Variants in DMD observed in about 807,000 individuals in gnomAD.
The protein encoded by DMD is mutant dystrophin.
DMD carries 63 observed loss-of-function variants against 330.1 expected under a neutral mutation model. That is an observed-to-expected ratio of 0.19 (90% CI 0.16 to 0.24). The LOEUF is 0.24. DMD is among the 10% of genes least tolerant of loss of function. The probability of loss-of-function intolerance (pLI) is 1.00; values close to 1 mark genes in which losing one functional copy is unlikely to be tolerated. For missense variants in DMD, 3,344 were observed against 2,684.1 expected (o/e 1.25, Z -5.43); for synonymous variants, 1,223 against 959.8 (o/e 1.27, Z -5.07).
chrX:32,355,654 T>C (rs1291883746), intron 37 of DMD, among the ~76,000 whole-genome samples: 1 of 111,370 alleles, frequency 9.0e-6, no homozygotes, highest in Non-Finnish European at 1.9e-5. Flanking sequence ...CAATTACACA[T>C]GTGGAAAAAA....
At chrX:33,315,088 G>A (rs1393650261) in intron 1 of DMD, among the ~76,000 whole-genome samples, 2 of 111,822 alleles carry the variant, frequency 1.8e-5, no homozygotes, top group African/African-American at 6.5e-5. Flanking sequence ...CAAAGTGCTG[G>A]GATTACAGGC....
intron 44 of DMD, among the ~76,000 whole-genome samples, chrX:32,199,780 TTGTGTGTGTGTG>T (rs35897988): frequency 9.2e-4 from 77 of 84,137 alleles, no homozygotes; most frequent in African/African-American, 1.1e-3. Context: ...CGCAAGGCTT[TTGTGTGTGTGTG>T]TGTGTGTGTG....
intron 67 of DMD, among the ~76,000 whole-genome samples, chrX:31,184,961 T>A (rs2041604712): frequency 1.7e-5 from 1 of 57,865 alleles, no homozygotes; most frequent in African/African-American, 7.5e-5. Flanking sequence ...CTGGGGACTG[T>A]TGTGGGGTGG....
chrX:33,066,058 T>TAA (rs5902050), intron 1 of DMD, among the ~76,000 whole-genome samples: 1 of 98,388 alleles, frequency 1.0e-5, no homozygotes, highest in Non-Finnish European at 2.0e-5. Context: ...CCAAAGGATT[T>TAA]AAAAAAAAAA....
intron 60 of DMD, among the ~76,000 whole-genome samples, chrX:31,380,933 G>T (rs956283308): frequency 9.1e-6 from 1 of 110,251 alleles, no homozygotes; most frequent in Non-Finnish European, 1.9e-5. Context: ...TACCTATCTC[G>T]GCATAATTCT....
intron 1 of DMD, among the ~76,000 whole-genome samples, chrX:33,192,073 G>A (rs2050680320): frequency 8.9e-6 from 1 of 111,925 alleles, no homozygotes; most frequent in African/African-American, 3.2e-5. Context: ...GGAATTCAGA[G>A]GAAGGAATGC....
At chrX:31,610,185 T>C (rs948917054) in intron 55 of DMD, among the ~76,000 whole-genome samples, 1 of 111,060 alleles carries the variant, frequency 9.0e-6, no homozygotes, top group Non-Finnish European at 1.9e-5. Context: ...TTTAATCACA[T>C]TCATAAGTCA....
In DMD at chrX:33,093,713, C is replaced by T. The variant is rs149325727; in HGVS notation, c.32-73513G>A. 5.0e-3 allele frequency among the ~76,000 whole-genome samples: 552 copies of T among 111,150 alleles called. 4 individuals are homozygous for T. The highest frequency in any genetic ancestry group is 0.017 in the African/African-American group (526 of 30,681). The stretch of plus-strand genomic sequence containing the variant: ...CAATTGTAACATGTTTTGATTGAAA[C>T]GGTGTAAAACAGGAAAAAATTATCT... On this transcript the variant is annotated intron_variant, in intron 1 of 78. Transcript: ENST00000357033.
intron 7 of DMD, among the ~76,000 whole-genome samples, chrX:32,729,354 C>A (rs2067257235): frequency 8.9e-6 from 1 of 112,088 alleles, no homozygotes; most frequent in African/African-American, 3.2e-5. Context: ...GGAAAGCTAA[C>A]ATTGCCCAAT....
intron 57 of DMD, among the ~76,000 whole-genome samples, chrX:31,492,923 T>C (rs2069448918): frequency 9.0e-6 from 1 of 110,755 alleles, no homozygotes; most frequent in Non-Finnish European, 1.9e-5. Context: ...ATACCTAATG[T>C]AGATGACGGG....
chrX:32,970,298 A>T (rs1338030096), intron 2 of DMD, among the ~76,000 whole-genome samples: 2 of 94,661 alleles, frequency 2.1e-5, no homozygotes, highest in South Asian at 1.0e-3. Flanking sequence ...TTGTAAATTT[A>T]AAAATAACTA....
chrX:33,335,435 T>C (rs939513555), intron 1 of DMD, among the ~76,000 whole-genome samples: 4 of 110,736 alleles, frequency 3.6e-5, no homozygotes, highest in African/African-American at 1.3e-4. Flanking sequence ...ACAAAATCAG[T>C]AAGATTTATT....
In DMD at chrX:31,125,321, C is replaced by CA. The variant is rs755554320; in HGVS notation, c.11046+1320dup. Among the ~76,000 whole-genome samples the CA allele has an allele frequency of 5.0e-4, 56 of 112,140 alleles. No individual in the cohort carries two copies. In the Middle Eastern group the frequency reaches 0.014, roughly 28 times the overall value. On this transcript the variant is annotated intron_variant, in intron 78 of 78. Transcript: ENST00000357033. Reference sequence around the variant, plus strand: ...TCCTCAATTTCTCCTCCCAGCCTACCATTCCCTCCCTGGCCCCACTGCCCA... The same window carrying CA: ...TCCTCAATTTCTCCTCCCAGCCTACCAATTCCCTCCCTGGCCCCACTGCCCA...
rs1569544914 is a variant in DMD, at chrX:32,123,244, A to ATATATATATAT, written c.6438+93671_6438+93672insATATATATATA. ...ATATATATATATATATATATATATA[A>ATATATATATAT]ATGATCAAAATTGATGCTAATGAAA... On this transcript the variant is annotated intron_variant, in intron 44 of 78. Transcript: ENST00000357033. Among the ~76,000 whole-genome samples, 7 of 42,714 alleles carry ATATATATATAT rather than the reference A, an allele frequency of 1.6e-4. 1 individual carries two copies. Among genetic ancestry groups the ATATATATATAT allele is most frequent in the African/African-American group, 5.2e-4 (5 of 9,674 alleles). The allele number at this position is 42,714 out of a possible 115,157, so 37.1% of individuals were successfully genotyped here.
At chrX:32,821,907 G>T (rs907127611) in intron 5 of DMD, among the ~76,000 whole-genome samples, 4 of 109,224 alleles carry the variant, frequency 3.7e-5, no homozygotes, top group African/African-American at 1.3e-4. Flanking sequence ...TAAATATCCT[G>T]CAAATTTTAA....
intron 7 of DMD, among the ~76,000 whole-genome samples, chrX:32,766,145 ATTC>A (rs1392700394): frequency 9.0e-6 from 1 of 111,174 alleles, no homozygotes; most frequent in Non-Finnish European, 1.9e-5. Context: ...CTTCAACTTC[ATTC>A]TTTTTTCAAG....
intron 44 of DMD, among the ~76,000 whole-genome samples, chrX:32,061,327 C>A (rs1393418900): frequency 9.0e-6 from 1 of 111,026 alleles, no homozygotes; most frequent in Non-Finnish European, 1.9e-5. Flanking sequence ...CTCCTGTTAA[C>A]CAATTTCACC....
intron 44 of DMD, among the ~76,000 whole-genome samples, chrX:32,021,676 G>A (rs555545188): frequency 1.3e-3 from 145 of 112,007 alleles, no homozygotes; most frequent in African/African-American, 4.4e-3. Flanking sequence ...ACTTACTAAA[G>A]AAAAAGGTTA....
chrX:32,725,786 G>A (rs1350404827), intron 7 of DMD, among the ~76,000 whole-genome samples: 4 of 110,955 alleles, frequency 3.6e-5, no homozygotes, highest in African/African-American at 1.3e-4. Context: ...ACAGCAAGGT[G>A]ACTATACTCA....
Sources: allele counts gnomAD v4.1 joint callset (sites outside exome capture counted in the v4.1 genomes callset), GRCh38; gene constraint gnomAD v4.1.1; transcripts MANE v1.5; gene names NCBI Gene and HGNC (gene_info 2026-07-23, HGNC 2026-07-21).